Variants in NME4 observed in about 807,000 individuals in gnomAD.
NME4 encodes NME/NM23 nucleoside diphosphate kinase 4, also known as nucleoside diphosphate kinase D, mitochondrial.
Under a neutral mutation model 16.4 loss-of-function variants are expected in NME4, and 21 were observed. That is an observed-to-expected ratio of 1.28 (90% CI 0.91 to 1.84). NME4 has a LOEUF of 1.84. Ranked by LOEUF, NME4 falls within the 40% of genes most tolerant of loss-of-function variation. NME4 has a pLI of 0.00. For synonymous variants in NME4, 132 were observed against 107.5 expected, an observed-to-expected ratio of 1.23 and a Z score of -1.41; for missense variants, 316 against 261.3, an observed-to-expected ratio of 1.21 and a Z score of -1.44.
At position 399,007 on chromosome 16, in the gene NME4, C is replaced by G. The variant is rs748149256; in HGVS notation, c.109C>G (p.Arg37Gly). 7 of 1,610,148 alleles carry G rather than the reference C, an allele frequency of 4.3e-6. No individual in the cohort carries two copies. In the Admixed American group the frequency reaches 8.3e-5, roughly 19 times the overall value. The change falls in exon 2 of 5, where the codon CGG (arginine) becomes GGG (glycine). Residue 37 changes from arginine to glycine, a missense_variant. Arg to Gly is a moderately radical substitution (Grantham distance 125). Transcript: ENST00000219479. ...TTTTGAAGGAGGGCCCTCCTGGACC[C>G]GGGAGCGGACCCTGGTGGCGGTGAA... ...RHGSGGPSWT[R>G]ERTLVAVKPD...
At chr16:400,141 G>GA in intron 4 of NME4, 78 bp from the exon 5 acceptor site, 2 of 1,516,094 alleles carry the variant, frequency 1.3e-6, no homozygotes, top group Admixed American at 3.9e-5. Flanking sequence ...AGAGGGCAAC[G>GA]GGAGCAGCAG....
At chr16:398,080 CCAGATT>C (rs904039659) in intron 1 of NME4, 1 of 1,529,874 alleles carries the variant, frequency 6.5e-7, no homozygotes, top group African/African-American at 1.4e-5. Flanking sequence ...TTGGCTCTGT[CCAGATT>C]CTGTGGGACA....
Position 399,641 on chromosome 16 carries a change from C to T in NME4, c.342C>T (p.Tyr114=). Residue 114 remains tyrosine, a synonymous_variant, in exon 4 of 5, where the codon TAC becomes TAT. Transcript: ENST00000219479. ...TCTCGCTGCAGGTCTGGGAAGGGTA[C>T]AATGTCGTCCGCGCCTCGAGGGCCA... ...GPVVAMVWEG[Y]NVVRASRAMI... is the part of the protein sequence containing the mutation. 6.2e-7 allele frequency: 1 copy of T among 1,613,176 alleles called. No individual in the cohort carries two copies. The highest frequency in any genetic ancestry group is 8.5e-7 in the Non-Finnish European group (1 of 1,179,908).
chr16:397,346 G>A (rs1164555320), intron 1 of NME4, 33 bp downstream of exon 1: 1 of 898,832 alleles, frequency 1.1e-6, no homozygotes, highest in South Asian at 5.3e-5. Flanking sequence ...GCGGGGACGC[G>A]GAGGGGAGGA....
rs1336277080 is a variant in NME4, at chr16:400,358, T to C, written c.*16T>C. On this transcript the variant is annotated 3_prime_UTR_variant, in exon 5 of 5. Transcript: ENST00000219479. The stretch of plus-strand genomic sequence containing the variant: ...CCCAGCCTGAGGCTCAAGCTGCCCT[T>C]ACCACCCCATCCCCCACGCAGGACC... 2 of 1,594,774 alleles carry C rather than the reference T, an allele frequency of 1.3e-6. No individual in the cohort carries two copies. Among genetic ancestry groups the C allele is most frequent in the Non-Finnish European group, 8.5e-7 (1 of 1,177,118 alleles).
rs750348739 is a variant in NME4, at chr16:399,392, T to G, written c.239T>G (p.Val80Gly). The change falls in exon 3 of 5, where the codon GTC becomes GGC. Residue 80 changes from valine (V) to glycine (G), a missense_variant. Transcript: ENST00000219479. ...AATGCCACCCAGGCACCAGAGAGCG[T>G]CCTTGCCGAGCACTACCAGGACCTG... ...GMKMLQAPESVLAEHYQDLRR... is the reference protein window; with the variant it reads ...GMKMLQAPESGLAEHYQDLRR... 1.2e-6 allele frequency: 2 copies of G among 1,612,936 alleles called. No homozygotes were observed. The highest frequency in any genetic ancestry group is 1.7e-6 in the Non-Finnish European group (2 of 1,179,970).
intron 4 of NME4, 79 bp from the exon 5 acceptor site, chr16:400,140 C>CAG (rs35963490): frequency 0.32 from 502,868 of 1,586,910 alleles, 82,935 homozygotes; most frequent in South Asian, 0.47. Flanking sequence ...CAGAGGGCAA[C>CAG]GGGAGCAGCA....
Position 399,643 on chromosome 16 carries a change from A to G in NME4, c.344A>G (p.Asn115Ser). The change falls in exon 4 of 5, where the codon AAT becomes AGT. Residue 115 changes from asparagine to serine, a missense_variant. Asn to Ser is a conservative substitution (Grantham distance 46, BLOSUM62 1). Transcript: ENST00000219479. Reference protein sequence around the residue: ...PVVAMVWEGYNVVRASRAMIG... With the variant: ...PVVAMVWEGYSVVRASRAMIG... The stretch of plus-strand genomic sequence containing the variant: ...TCGCTGCAGGTCTGGGAAGGGTACA[A>G]TGTCGTCCGCGCCTCGAGGGCCATG... The G allele has an allele frequency of 1.9e-6, 3 of 1,613,154 alleles. No individual in the cohort carries two copies. The highest frequency in any genetic ancestry group is 1.7e-6 in the Non-Finnish European group (2 of 1,179,906).
intron 1 of NME4, chr16:397,870 A>G: frequency 6.4e-7 from 1 of 1,554,278 alleles, no homozygotes; most frequent in African/African-American, 1.4e-5. Flanking sequence ...AGGACGATCC[A>G]TGTCCCAGGG....
intron 1 of NME4, chr16:398,632 C>T (rs2054597664): frequency 7.5e-6 from 3 of 402,072 alleles, no homozygotes; most frequent in African/African-American, 2.0e-5. Context: ...CTCCCTGGAC[C>T]TTGAGGTGGT....
At position 400,210 on chromosome 16, in the gene NME4, C is replaced by T. The variant is rs774479865; in HGVS notation, c.441-9C>T. The T allele has an allele frequency of 1.2e-6, 2 of 1,610,406 alleles. No individual in the cohort carries two copies. Among genetic ancestry groups the T allele is most frequent in the Admixed American group, 1.7e-5 (1 of 59,762 alleles). On this transcript the variant is annotated splice_polypyrimidine_tract_variant and intron_variant, in intron 4 of 4. Transcript: ENST00000219479. ...GCCTGAGCCTCACATTGCTCCTGTC[C>T]TGGCACAGGAATGTCATCCACGCCA...
At chr16:399,350 C>G in intron 2 of NME4, 29 bp from the exon 3 acceptor site, 1 of 1,601,250 alleles carries the variant, frequency 6.2e-7, no homozygotes, top group Non-Finnish European at 8.6e-7. Context: ...TTACTGTCTG[C>G]GGCTCCTCCT....
rs928640310 is a variant in NME4 at position 400,448 on chromosome 16, C to A, written c.*106C>A. The A allele has an allele frequency of 5.7e-6, 8 of 1,407,478 alleles. No individual in the cohort carries two copies. The African/African-American group carries it at 7.3e-5, about 13-fold the overall frequency. The allele number at this position is 1,407,478 out of a possible 1,614,324, so 87.2% of individuals were successfully genotyped here. On this transcript the variant is annotated 3_prime_UTR_variant, in exon 5 of 5. Transcript: ENST00000219479. ...CCTGCCTGTCCCAAACCACTTACTTCCCTGTTCACCTCTGCCCCACCCCAG... is the reference window on the plus strand; with the variant it reads ...CCTGCCTGTCCCAAACCACTTACTTACCTGTTCACCTCTGCCCCACCCCAG...
intron 4 of NME4, 134 bp downstream of exon 4, chr16:399,873 G>T: frequency 1.4e-6 from 1 of 719,888 alleles, no homozygotes; most frequent in African/African-American, 1.7e-5. Context: ...AGCTCACACT[G>T]GTGAGAGCCG....
rs571937979 is a variant in NME4, at chr16:398,099, C to G, written c.91+786C>G. 1.1e-3 allele frequency: 1,691 copies of G among 1,531,584 alleles called. 4 individuals carry two copies. Among genetic ancestry groups the G allele is most frequent in the Non-Finnish European group, 1.4e-3 (1,536 of 1,135,432 alleles). The allele number at this position is 1,531,584 out of a possible 1,614,324, so 94.9% of individuals were successfully genotyped here. On this transcript the variant is annotated intron_variant, in intron 1 of 4. Coordinates refer to ENST00000219479, the MANE Select transcript of NME4 (RefSeq NM_005009.3). ...CTCTGTCCAGATTCTGTGGGACATA[C>G]AGGGTCTGGGCTCCTCTGGAAACCA...
intron 2 of NME4, 106 bp from the exon 3 acceptor site, chr16:399,273 C>A: frequency 7.1e-7 from 1 of 1,406,598 alleles, no homozygotes; most frequent in Non-Finnish European, 1.0e-6. Context: ...GGGGTGCTGC[C>A]CATGCTGGTG....
rs112762651 is a variant in NME4 at position 400,259 on chromosome 16, C to G, written c.481C>G (p.Arg161Gly). Residue 161 changes from arginine to glycine, a missense_variant, in exon 5 of 5, where the codon CGG becomes GGG. Physicochemically the swap from Arg to Gly is moderately radical, Grantham distance 125. Transcript: ENST00000219479. Reference sequence around the variant, plus strand: ...CAGCGACTCCGTGGAGGGGGCCCAGCGGGAGATCCAGCTGTGGTTCCAGAG... The same window carrying G: ...CAGCGACTCCGTGGAGGGGGCCCAGGGGGAGATCCAGCTGTGGTTCCAGAG... ...HASDSVEGAQ[R>G]EIQLWFQSSE... 8 of 1,603,860 alleles carry G rather than the reference C, an allele frequency of 5.0e-6. No homozygotes were observed. Among genetic ancestry groups the G allele is most frequent in the Non-Finnish European group, 6.8e-6 (8 of 1,173,368 alleles).
chr16:399,790 C>T (rs759864988), intron 4 of NME4, 51 bp downstream of exon 4: 1 of 1,479,676 alleles, frequency 6.8e-7, no homozygotes, highest in Admixed American at 1.7e-5. Flanking sequence ...GGAGGGCCAT[C>T]ACTTGGGGTG....
In NME4 at chr16:399,132, A is replaced by T. The variant is rs761829233; in HGVS notation, c.225+9A>T. Reference sequence around the variant, plus strand: ...GGATGAAGATGCTGCAGGTAGTGGGACTCTGGGCTTGTGGGTGTCCCTGTG... The same window carrying T: ...GGATGAAGATGCTGCAGGTAGTGGGTCTCTGGGCTTGTGGGTGTCCCTGTG... On this transcript the variant is annotated intron_variant, in intron 2 of 4. Transcript: ENST00000219479. The T allele has an allele frequency of 1.9e-6, 3 of 1,594,484 alleles. No individual in the cohort carries two copies. The highest frequency in any genetic ancestry group is 2.6e-6 in the Non-Finnish European group (3 of 1,173,622).
Sources: allele counts gnomAD v4.1 joint callset, GRCh38; gene constraint gnomAD v4.1.1; transcripts MANE v1.5; gene names NCBI Gene and HGNC (gene_info 2026-07-23, HGNC 2026-07-21).